Variants in RYR2 observed in about 807,000 individuals in gnomAD.
RYR2 encodes the protein cardiac muscle ryanodine receptor-calcium release channel.
Under a neutral mutation model 601.1 loss-of-function variants are expected in RYR2, and 227 were observed. That is an observed-to-expected ratio of 0.38 (90% CI 0.34 to 0.42). The LOEUF (loss-of-function observed/expected upper bound fraction) is 0.42. RYR2 is among the 10% of genes least tolerant of loss of function. The probability of loss-of-function intolerance (pLI) is 1.00; values close to 1 mark genes in which losing one functional copy is unlikely to be tolerated. For missense variants in RYR2, 4,646 were observed against 6,156.5 expected, an observed-to-expected ratio of 0.75 and a Z score of 8.21; for synonymous variants, 2,223 against 2,175.1, an observed-to-expected ratio of 1.02 and a Z score of -0.61.
intron 11 of RYR2, 143 bp from the exon 12 acceptor site, chr1:237,422,949 G>T (rs1051262857): frequency 9.5e-5 from 87 of 920,626 alleles, no homozygotes; most frequent in Middle Eastern, 4.8e-4. Context: ...TTTGTGAAAT[G>T]AAATTAATAT....
intron 23 of RYR2, among the ~76,000 whole-genome samples, chr1:237,508,809 C>G (rs1241236596): frequency 1.5e-5 from 2 of 129,414 alleles, no homozygotes; most frequent in Non-Finnish European, 3.1e-5. Flanking sequence ...GTGGCGGGAT[C>G]TCGGCTCACT....
chr1:237,717,442 A>C, intron 72 of RYR2, 74 bp downstream of exon 72: 35 of 1,234,060 alleles, frequency 2.8e-5, no homozygotes, highest in Non-Finnish European at 3.7e-5. Flanking sequence ...CCTTTGTCTC[A>C]CTGCCCTATG....
chr1:237,043,675 A>G (rs1660208733), intron 1 of RYR2, among the ~76,000 whole-genome samples: 1 of 152,156 alleles, frequency 6.6e-6, no homozygotes, highest in African/African-American at 2.4e-5. Flanking sequence ...GTTCCCTTGC[A>G]GGATTCCCCA....
At chr1:237,242,198 T>TTTTTG (rs928421124) in intron 1 of RYR2, among the ~76,000 whole-genome samples, 13 of 150,496 alleles carry the variant, frequency 8.6e-5, no homozygotes, top group African/African-American at 3.2e-4. Context: ...TCACTGTTTT[T>TTTTTG]TTTGTTTGTT....
chr1:237,357,705 G>A (rs749488433), intron 4 of RYR2, among the ~76,000 whole-genome samples: 5 of 152,056 alleles, frequency 3.3e-5, no homozygotes, highest in Non-Finnish European at 7.4e-5. Context: ...TATTTTCTGA[G>A]CTAAAAACCT....
At chr1:237,808,773 T>C (rs1660939179) in intron 99 of RYR2, 128 bp from the exon 100 acceptor site, 3 of 739,750 alleles carry the variant, frequency 4.1e-6, no homozygotes, top group Non-Finnish European at 6.9e-6. Context: ...AAATAAGTTA[T>C]GGATCCCATT....
Position 237,726,318 on chromosome 1 carries a change from G to T in RYR2, c.10725+10G>T. The T allele has an allele frequency of 6.4e-7, 1 of 1,554,726 alleles. No individual in the cohort carries two copies. The highest frequency in any genetic ancestry group is 1.2e-5 in the South Asian group (1 of 86,764). On this transcript the variant is annotated intron_variant, in intron 75 of 104. Coordinates refer to ENST00000366574, the MANE Select transcript of RYR2 (RefSeq NM_001035.3). ...GAGACATTACTGTCTGGGAAGTACA[G>T]TGCTCAATGGCCTAGAGATTACTAA... is the stretch of plus-strand genomic sequence containing the variant.
chr1:237,711,644 T>A, intron 70 of RYR2, 101 bp from the exon 71 acceptor site: 1 of 670,324 alleles, frequency 1.5e-6, no homozygotes, highest in Non-Finnish European at 2.7e-6. Flanking sequence ...ATATATCAAA[T>A]TAATACTTAT....
rs1210437429 is a variant in RYR2, at chr1:237,591,210, C to A, written c.4160+218C>A. Among the ~76,000 whole-genome samples, 9 of 91,562 alleles carry A rather than the reference C, an allele frequency of 9.8e-5. 1 individual carries two copies. Among genetic ancestry groups the A allele is most frequent in the Non-Finnish European group, 1.9e-4 (9 of 46,994 alleles). The allele number at this position is 91,562 out of a possible 152,430, so 60.1% of individuals were successfully genotyped here. A position where few individuals can be genotyped will look rare whatever the true frequency, so the allele number is the denominator to read the frequency against. ...CCTCCTCCCCCTTCTCCTCCTCCCC[C>A]TTCTCCTCCTCCCCCTTCTCCTCCT... On this transcript the variant is annotated intron_variant, in intron 31 of 104. Transcript: ENST00000366574.
chr1:237,170,871 G>A (rs552666622), intron 1 of RYR2, among the ~76,000 whole-genome samples: 14 of 152,214 alleles, frequency 9.2e-5, no homozygotes, highest in African/African-American at 3.4e-4. Context: ...GGAGAAGTAA[G>A]TGTAGGCATC....
chr1:237,147,172 C>G (rs534745018), intron 1 of RYR2, among the ~76,000 whole-genome samples: 88 of 152,246 alleles, frequency 5.8e-4, no homozygotes, highest in Non-Finnish European at 8.5e-4. Context: ...GGCTACTATG[C>G]TGAATTGCAT....
chr1:237,203,700 T>C (rs1252716712), intron 1 of RYR2, among the ~76,000 whole-genome samples: 1 of 152,212 alleles, frequency 6.6e-6, no homozygotes, highest in Non-Finnish European at 1.5e-5. Context: ...AAAATTTTTT[T>C]TTTATTGAGG....
intron 48 of RYR2, among the ~76,000 whole-genome samples, chr1:237,645,649 C>T (rs1682046402): frequency 6.6e-6 from 1 of 152,190 alleles, no homozygotes; most frequent in South Asian, 2.1e-4. Flanking sequence ...CTCGTTTCCT[C>T]CAGTCATCTG....
intron 61 of RYR2, 104 bp from the exon 62 acceptor site, chr1:237,680,352 C>A: frequency 2.4e-6 from 2 of 848,130 alleles, no homozygotes; most frequent in Admixed American, 4.5e-5. Context: ...CATAAGGAGA[C>A]CTGTTGCATG....
At chr1:237,443,162 G>A (rs1055246269) in intron 13 of RYR2, among the ~76,000 whole-genome samples, 13 of 151,788 alleles carry the variant, frequency 8.6e-5, no homozygotes, top group African/African-American at 2.4e-4. Flanking sequence ...TGTTCTGTTC[G>A]TAAGCCCTTT....
intron 79 of RYR2, among the ~76,000 whole-genome samples, 158 bp from the exon 80 acceptor site, chr1:237,742,138 T>C (rs1459228892): frequency 6.6e-6 from 1 of 152,238 alleles, no homozygotes; most frequent in Non-Finnish European, 1.5e-5. Flanking sequence ...CATGAATTCA[T>C]TGATTATGTC....
chr1:237,314,458 T>A (rs2149501878), intron 2 of RYR2, among the ~76,000 whole-genome samples: 1 of 152,318 alleles, frequency 6.6e-6, no homozygotes, highest in Non-Finnish European at 1.5e-5. Flanking sequence ...AAAATATATT[T>A]ATAGCTAAAG....
At chr1:237,156,692 T>C (rs1454004108) in intron 1 of RYR2, among the ~76,000 whole-genome samples, 1 of 152,152 alleles carries the variant, frequency 6.6e-6, no homozygotes, top group Non-Finnish European at 1.5e-5. Flanking sequence ...TAAGTGAATA[T>C]AGTAATATGT....
intron 1 of RYR2, among the ~76,000 whole-genome samples, chr1:237,055,928 A>C (rs1661953749): frequency 6.6e-6 from 1 of 152,126 alleles, no homozygotes; most frequent in Non-Finnish European, 1.5e-5. Flanking sequence ...CACACCTGTG[A>C]GGACTGGAGC....
Sources: gnomAD v4.1 joint callset for allele counts (sites outside exome capture counted in the v4.1 genomes callset) on GRCh38, gnomAD v4.1.1 for gene constraint, MANE v1.5 for transcripts, NCBI Gene and HGNC (gene_info 2026-07-23, HGNC 2026-07-21) for gene names.